SHROOM1: variants seen among roughly 807,000 people sequenced by gnomAD.
SHROOM1 encodes protein Shroom1.
A neutral mutation model predicts 64.2 loss-of-function variants in SHROOM1; 53 were observed. The ratio of observed to expected loss-of-function variants is 0.83; its 90% CI spans 0.66 to 1.04. The LOEUF is 1.04. Ranked by LOEUF, SHROOM1 falls within the 50% of genes least tolerant of loss-of-function variation. The pLI is 0.00. For missense variants in SHROOM1, 1,179 were observed against 1,163.2 expected, an observed-to-expected ratio of 1.01 and a Z score of -0.20; for synonymous variants, 490 against 518.9, an observed-to-expected ratio of 0.94 and a Z score of 0.76.
chr5:132,826,078 G>A lies in SHROOM1; in HGVS notation c.63C>T (p.Asp21=), dbSNP rs1236215516. ...CCGCGCGCATGGACAGATGCCACAGGTCCAGGCTGCTAGTGGACGAGGCCG... is the reference window on the plus strand; with the variant it reads ...CCGCGCGCATGGACAGATGCCACAGATCCAGGCTGCTAGTGGACGAGGCCG... ...ASPASSTSSL[D]LWHLSMRADS... The change falls in exon 4 of 10, where the codon GAC becomes GAT. Residue 21 remains aspartate, a synonymous_variant. Transcript: ENST00000378679. 1.4e-6 allele frequency: 2 copies of A among 1,425,642 alleles called. No individual in the cohort carries two copies. Among genetic ancestry groups the A allele is most frequent in the Non-Finnish European group, 1.8e-6 (2 of 1,089,626 alleles). The allele number at this position is 1,425,642 out of a possible 1,614,324, so 88.3% of individuals were successfully genotyped here.
At position 132,825,395 on chromosome 5, in the gene SHROOM1, C is replaced by G; in HGVS notation, c.746G>C (p.Ser249Thr). 1 of 1,596,564 alleles carries G rather than the reference C, an allele frequency of 6.3e-7. No individual in the cohort carries two copies. Among genetic ancestry groups the G allele is most frequent in the Non-Finnish European group, 8.5e-7 (1 of 1,178,592 alleles). Residue 249 changes from serine (S) to threonine (T), a missense_variant, in exon 4 of 10, where the codon AGC becomes ACC. By Grantham distance (58) the Ser-to-Thr change is moderately conservative. Coordinates refer to ENST00000378679, the MANE Select transcript of SHROOM1 (RefSeq NM_001172700.2). This position sits in a 1 kb window ranked among gnomAD's most constrained non-coding sequence, Gnocchi z 5.1. ...GGGCTCGGGCCCAGGGAGGCCAGAG[C>G]TGGAGCAGGCCTCACCCAGGCATTC... ...ARECLGEACSSSGLPGPEPLE... is the reference protein window; with the variant it reads ...ARECLGEACSTSGLPGPEPLE...
At position 132,825,506 on chromosome 5, in the gene SHROOM1, C is replaced by A; in HGVS notation, c.635G>T (p.Gly212Val). ...CTTCCGCTGCTGGTTGGCGAGGGGA[C>A]CCCGGCCGGCAGTTCCTGGCGCGGG... Reference protein sequence around the residue: ...RAPAPGTAGRGPLANQQRKWC... With the variant: ...RAPAPGTAGRVPLANQQRKWC... Residue 212 changes from glycine to valine, a missense_variant, in exon 4 of 10, where the codon GGT becomes GTT. By Grantham distance (109) the Gly-to-Val change is moderately radical. Coordinates refer to ENST00000378679, the MANE Select transcript of SHROOM1 (RefSeq NM_001172700.2). The surrounding 1 kb of genome is among the most constrained non-coding windows in gnomAD (Gnocchi z 5.1). The A allele has an allele frequency of 4.0e-6, 6 of 1,491,536 alleles. No homozygotes were observed. The highest frequency in any genetic ancestry group is 5.3e-6 in the Non-Finnish European group (6 of 1,126,972). The allele number at this position is 1,491,536 out of a possible 1,614,324, so 92.4% of individuals were successfully genotyped here.
At position 132,825,444 on chromosome 5, in the gene SHROOM1, C is replaced by T; in HGVS notation, c.697G>A (p.Gly233Ser). ...FSEPGKLDRV[G>S]RGGGPARECL... ...TCCCGCGCCGGCCCACCGCCCCGAC[C>T]CACACGATCCAGCTTTCCTGGCTCT... Residue 233 changes from glycine to serine, a missense_variant, in exon 4 of 10, where the codon GGT becomes AGT. Physicochemically the swap from Gly to Ser is moderately conservative, Grantham distance 56 (BLOSUM62 0). Coordinates refer to ENST00000378679, the MANE Select transcript of SHROOM1 (RefSeq NM_001172700.2). The surrounding 1 kb of genome is among the most constrained non-coding windows in gnomAD (Gnocchi z 5.1). 4 of 1,588,040 alleles carry T rather than the reference C, an allele frequency of 2.5e-6. No individual in the cohort carries two copies. The highest frequency in any genetic ancestry group is 2.6e-6 in the Non-Finnish European group (3 of 1,173,236).
In SHROOM1 at chr5:132,830,267, G is replaced by C. The variant is rs898083320; in HGVS notation, c.-501+327C>G. ...ATGCTTGGCGACAAAGGGCAGGAGCGGAGGGTGGCGGAGTGAGACCGCGCT... is the reference window on the plus strand; with the variant it reads ...ATGCTTGGCGACAAAGGGCAGGAGCCGAGGGTGGCGGAGTGAGACCGCGCT... On this transcript the variant is annotated intron_variant, in intron 1 of 9. Transcript: ENST00000378679. The surrounding 1 kb of genome is among the most constrained non-coding windows in gnomAD (Gnocchi z 5.9). 1.0e-6 allele frequency: 1 copy of C among 985,212 alleles called. No homozygotes were observed. The highest frequency in any genetic ancestry group is 1.2e-6 in the Non-Finnish European group (1 of 829,878). The allele number at this position is 985,212 out of a possible 1,614,324, so 61.0% of individuals were successfully genotyped here.
At chr5:132,828,239 G>A (rs911593743) in intron 1 of SHROOM1, among the ~76,000 whole-genome samples, 1 of 152,084 alleles carries the variant, frequency 6.6e-6, no homozygotes, top group Non-Finnish European at 1.5e-5. Context: ...GTGGTAGGAG[G>A]ATATGGTGTT....
Position 132,830,392 on chromosome 5 carries a change from G to C in SHROOM1, c.-501+202C>G. On this transcript the variant is annotated intron_variant, in intron 1 of 9. Coordinates refer to ENST00000378679, the MANE Select transcript of SHROOM1 (RefSeq NM_001172700.2). This position sits in a 1 kb window ranked among gnomAD's most constrained non-coding sequence, Gnocchi z 5.9. Reference sequence around the variant, plus strand: ...CCGCCCTGCAGCTCTGCAGCTGGGAGAGGCGCGCTGGGGTCCGACTCCACT... The same window carrying C: ...CCGCCCTGCAGCTCTGCAGCTGGGACAGGCGCGCTGGGGTCCGACTCCACT... The C allele has an allele frequency of 4.1e-6, 4 of 985,076 alleles. No homozygotes were observed. The South Asian group carries it at 1.9e-4, about 46-fold the overall frequency. 61.0% of individuals were successfully genotyped at this position (985,076 alleles called of 1,614,324 possible).
At position 132,825,190 on chromosome 5, in the gene SHROOM1, TCCTCC is replaced by T; in HGVS notation, c.946_950del (p.Gly316IlefsTer50). The T allele has an allele frequency of 6.2e-7, 1 of 1,613,978 alleles. No individual in the cohort carries two copies. Among genetic ancestry groups the T allele is most frequent in the African/African-American group, 1.3e-5 (1 of 74,992 alleles). ...GGACAATGGGTATGGTCCCTCCTGA[TCCTCC>T]CCAGGAACCCAAGACTTCGCCTGAA... is the stretch of plus-strand genomic sequence containing the variant. On this transcript the variant is annotated frameshift_variant, in exon 4 of 10. Transcript: ENST00000378679. LOFTEE classifies it high-confidence loss of function. This position sits in a 1 kb window ranked among gnomAD's most constrained non-coding sequence, Gnocchi z 5.1.
chr5:132,825,040 A>G lies in SHROOM1; in HGVS notation c.1012T>C (p.Leu338=), dbSNP rs771292292. ...VPQGAETPRP[L]FQTKLSRFLP... Reference sequence around the variant, plus strand: ...CACCTGGAAAGTTTGGTCTGAAACAATGGTCTGGGGGTTTCTGCTCCTTGG... The same window carrying G: ...CACCTGGAAAGTTTGGTCTGAAACAGTGGTCTGGGGGTTTCTGCTCCTTGG... The change falls in exon 5 of 10, where the codon TTG becomes CTG. Residue 338 remains leucine, a synonymous_variant. Coordinates refer to ENST00000378679, the MANE Select transcript of SHROOM1 (RefSeq NM_001172700.2). The surrounding 1 kb of genome is among the most constrained non-coding windows in gnomAD (Gnocchi z 5.1). The G allele has an allele frequency of 1.4e-5, 22 of 1,614,082 alleles. No homozygotes were observed. In the Middle Eastern group the frequency reaches 6.6e-4, roughly 48 times the overall value.
At position 132,825,704 on chromosome 5, in the gene SHROOM1, T is replaced by C. The variant is rs1456059433; in HGVS notation, c.437A>G (p.Gln146Arg). 3 of 1,325,914 alleles carry C rather than the reference T, an allele frequency of 2.3e-6. No homozygotes were observed. Among genetic ancestry groups the C allele is most frequent in the South Asian group, 2.2e-5 (1 of 44,584 alleles). The allele number at this position is 1,325,914 out of a possible 1,614,324, so 82.1% of individuals were successfully genotyped here. ...CCGGAGCACTCGCCGCTGCGCGCCC[T>C]GAAGCCGCTGGCGGTAGGCGGCCCT... ...ASRAAYRQRL[Q>R]GAQRRVLRET... The change falls in exon 4 of 10, where the codon CAG becomes CGG. Residue 146 changes from glutamine (Q) to arginine (R), a missense_variant. Coordinates refer to ENST00000378679, the MANE Select transcript of SHROOM1 (RefSeq NM_001172700.2). This position sits in a 1 kb window ranked among gnomAD's most constrained non-coding sequence, Gnocchi z 5.1.
rs772614461 is a variant in SHROOM1, at chr5:132,825,872, G to A, written c.269C>T (p.Ala90Val). ...TGTTGGCTGCGGCCCACTGCGGGCTGCAACCGCGGGCCGGGGCCGCGGGGA... is the reference window on the plus strand; with the variant it reads ...TGTTGGCTGCGGCCCACTGCGGGCTACAACCGCGGGCCGGGGCCGCGGGGA... Reference protein sequence around the residue: ...CTSPRPRPAVAARSGPQPTEV... With the variant: ...CTSPRPRPAVVARSGPQPTEV... The change falls in exon 4 of 10, where the codon GCA becomes GTA. Residue 90 changes from alanine (A) to valine (V), a missense_variant. By Grantham distance (64) the Ala-to-Val change is moderately conservative. Coordinates refer to ENST00000378679, the MANE Select transcript of SHROOM1 (RefSeq NM_001172700.2). The surrounding 1 kb of genome is among the most constrained non-coding windows in gnomAD (Gnocchi z 5.1). 1.2e-4 allele frequency: 161 copies of A among 1,300,868 alleles called. No individual in the cohort carries two copies. The highest frequency in any genetic ancestry group is 1.5e-4 in the Non-Finnish European group (154 of 1,019,700). The allele number at this position is 1,300,868 out of a possible 1,614,324, so 80.6% of individuals were successfully genotyped here. A position where few individuals can be genotyped will look rare whatever the true frequency, so the allele number is the denominator to read the frequency against.
Position 132,822,446 on chromosome 5 carries a change from C to T in SHROOM1, c.*350G>A, listed in dbSNP as rs1213657739. 7 of 170,762 alleles carry T rather than the reference C, an allele frequency of 4.1e-5. No individual in the cohort carries two copies. The highest frequency in any genetic ancestry group is 6.9e-5 in the Admixed American group (1 of 14,412). 10.6% of individuals were successfully genotyped at this position (170,762 alleles called of 1,614,324 possible). A position where few individuals can be genotyped will look rare whatever the true frequency, so the allele number is the denominator to read the frequency against. The stretch of plus-strand genomic sequence containing the variant: ...TGGCGCGATGTCCGCTCACTGCAAG[C>T]TCCACCTCCCAGGTTCACGCCATTC... On this transcript the variant is annotated 3_prime_UTR_variant, in exon 10 of 10. Transcript: ENST00000378679.
chr5:132,830,102 C>G lies in SHROOM1; in HGVS notation c.-501+492G>C, dbSNP rs970524591. ...AGGCCCCGGCGGCCGCAGGGGGCGG[C>G]AGAGACACGCGGAGCGGCTCGACAG... On this transcript the variant is annotated intron_variant, in intron 1 of 9. Transcript: ENST00000378679. This position sits in a 1 kb window ranked among gnomAD's most constrained non-coding sequence, Gnocchi z 5.9. The G allele has an allele frequency of 3.1e-5, 31 of 985,284 alleles. No individual in the cohort carries two copies. Among genetic ancestry groups the G allele is most frequent in the Non-Finnish European group, 3.7e-5 (31 of 829,870 alleles). The allele number at this position is 985,284 out of a possible 1,614,324, so 61.0% of individuals were successfully genotyped here.
At chr5:132,828,875 C>T (rs1758774140) in intron 1 of SHROOM1, among the ~76,000 whole-genome samples, 1 of 152,236 alleles carries the variant, frequency 6.6e-6, no homozygotes, top group Admixed American at 6.5e-5. Flanking sequence ...CAAGAGGGCC[C>T]AGCTGCTTTG....
intron 1 of SHROOM1, among the ~76,000 whole-genome samples, chr5:132,828,755 T>G (rs1000888580): frequency 2.7e-5 from 4 of 147,510 alleles, no homozygotes; most frequent in African/African-American, 1.1e-4. Context: ...TCTACACATG[T>G]GTTTCCTTAT....
chr5:132,823,152 G>A lies in SHROOM1; in HGVS notation c.2227-24C>T. On this transcript the variant is annotated intron_variant, in intron 9 of 9. Transcript: ENST00000378679. The surrounding 1 kb of genome is among the most constrained non-coding windows in gnomAD (Gnocchi z 4.6). Reference sequence around the variant, plus strand: ...GCCTTGAGCCGCAGGAAGAGGCGCCGTGAGCCGGGTGAGGGCGCCGCCGCT... The same window carrying A: ...GCCTTGAGCCGCAGGAAGAGGCGCCATGAGCCGGGTGAGGGCGCCGCCGCT... 2 of 1,543,270 alleles carry A rather than the reference G, an allele frequency of 1.3e-6. No homozygotes were observed. Among genetic ancestry groups the A allele is most frequent in the South Asian group, 1.2e-5 (1 of 81,870 alleles).
At position 132,824,338 on chromosome 5, in the gene SHROOM1, G is replaced by C. The variant is rs986247785; in HGVS notation, c.1323C>G (p.Leu441=). 1 of 1,609,682 alleles carries C rather than the reference G, an allele frequency of 6.2e-7. No homozygotes were observed. The highest frequency in any genetic ancestry group is 8.5e-7 in the Non-Finnish European group (1 of 1,177,860). ...GQVTVPTEYP[L]HECPGTAGAD... ...CCCCTGCAGTTCCTGGACACTCATG[G>C]AGCGGGTACTCTGTGGGGACTGTAA... Residue 441 remains leucine (L), a synonymous_variant, in exon 7 of 10, where the codon CTC becomes CTG. Transcript: ENST00000378679.
intron 1 of SHROOM1, among the ~76,000 whole-genome samples, chr5:132,828,430 T>C (rs1359096594): frequency 6.6e-6 from 1 of 152,096 alleles, no homozygotes; most frequent in East Asian, 1.9e-4. Flanking sequence ...CTCTAAACTT[T>C]AGGAGGACAA....
chr5:132,827,890 C>T (rs1269765822), intron 1 of SHROOM1, among the ~76,000 whole-genome samples: 1 of 152,150 alleles, frequency 6.6e-6, no homozygotes. Context: ...GGGCAGGACT[C>T]ACCAGAAATC....
In SHROOM1 at chr5:132,822,823, C is replaced by G. The variant is rs1309718295; in HGVS notation, c.2532G>C (p.Gln844His). The G allele has an allele frequency of 6.2e-7, 1 of 1,610,722 alleles. No homozygotes were observed. The highest frequency in any genetic ancestry group is 8.5e-7 in the Non-Finnish European group (1 of 1,178,830). The change falls in exon 10 of 10, where the codon CAG becomes CAC. Residue 844 changes from glutamine to histidine, a missense_variant. Transcript: ENST00000378679. The part of the protein sequence containing the change: ...ARPPGTCPPV[Q>H]PPFPLLLT ...ATGTAAGGAGAAGAGGGAAGGGCGG[C>G]TGAACTGGAGGACAGGTCCCTGGGG...
Sources: gnomAD v4.1 joint callset for allele counts (sites outside exome capture counted in the v4.1 genomes callset) on GRCh38, gnomAD v4.1.1 for gene constraint, Gnocchi (gnomAD v3.1) non-coding constraint, MANE v1.5 for transcripts, NCBI Gene and HGNC (gene_info 2026-07-23, HGNC 2026-07-21) for gene names.